KIF6: variants seen among roughly 807,000 people sequenced by gnomAD.
KIF6 encodes the protein kinesin family member 6.
In KIF6, 106 loss-of-function variants were observed where a neutral mutation model predicts 112.7. The ratio of observed to expected loss-of-function variants is 0.94; its 90% CI spans 0.80 to 1.11. KIF6 has a LOEUF of 1.11. Among genes scored for constraint, KIF6 ranks in the 50% least tolerant of loss-of-function variants. The pLI is 0.00. For synonymous variants in KIF6, 339 were observed against 339.9 expected (o/e 1.00, Z 0.03); for missense variants, 929 against 964.0 (o/e 0.96, Z 0.48).
At chr6:39,385,814 T>G in intron 15 of KIF6, 142 bp from the exon 16 acceptor site, 1 of 655,138 alleles carries the variant, frequency 1.5e-6, no homozygotes, top group Non-Finnish European at 2.7e-6. Context: ...TTCCAAGAAA[T>G]GACCTTCCAT....
rs146502461 is a variant in KIF6, at chr6:39,604,487, T to C, written c.640-8227A>G. Among the ~76,000 whole-genome samples the C allele has an allele frequency of 1.2e-4, 19 of 152,262 alleles. No homozygotes were observed. The East Asian group carries it at 3.5e-3, about 28-fold the overall frequency. On this transcript the variant is annotated intron_variant, in intron 6 of 22. Transcript: ENST00000287152. ...GCAACAAAATATTCCTGAGTGGATA[T>C]TCCTCTACTGGAATTAATGATCCTA... is the stretch of plus-strand genomic sequence containing the variant.
intron 14 of KIF6, among the ~76,000 whole-genome samples, chr6:39,428,245 A>G (rs918696655): frequency 2.0e-5 from 3 of 152,190 alleles, no homozygotes; most frequent in Admixed American, 6.5e-5. Context: ...TTGTTTTAAT[A>G]TGAAGCCAGT....
intron 16 of KIF6, among the ~76,000 whole-genome samples, chr6:39,368,104 C>A (rs898387452): frequency 6.6e-6 from 1 of 152,208 alleles, no homozygotes; most frequent in Non-Finnish European, 1.5e-5. Flanking sequence ...ACGTCCCCTA[C>A]ATGCCTGCCT....
intron 13 of KIF6, among the ~76,000 whole-genome samples, chr6:39,455,027 G>T (rs1429304346): frequency 2.0e-5 from 3 of 150,086 alleles, no homozygotes; most frequent in African/African-American, 7.3e-5. Flanking sequence ...CACAGCTCAA[G>T]GAGGCCTGCC....
At chr6:39,643,827 C>A (rs1785027284) in intron 3 of KIF6, among the ~76,000 whole-genome samples, 2 of 152,178 alleles carry the variant, frequency 1.3e-5, no homozygotes, top group South Asian at 4.1e-4. Flanking sequence ...AGCTGCACTT[C>A]ATCAAAATTA....
intron 3 of KIF6, among the ~76,000 whole-genome samples, chr6:39,689,624 G>T (rs752880547): frequency 6.6e-6 from 1 of 151,782 alleles, no homozygotes; most frequent in Non-Finnish European, 1.5e-5. Context: ...AGAGGGCCAG[G>T]GTCTCACTCT....
At chr6:39,339,854 G>C (rs1411155644) in intron 22 of KIF6, among the ~76,000 whole-genome samples, 1 of 152,170 alleles carries the variant, frequency 6.6e-6, no homozygotes, top group Non-Finnish European at 1.5e-5. Context: ...GAGCTGGCGA[G>C]GCTTATGTTA....
At chr6:39,587,921 T>C (rs986366429) in intron 7 of KIF6, among the ~76,000 whole-genome samples, 40 of 152,242 alleles carry the variant, frequency 2.6e-4, no homozygotes, top group African/African-American at 9.6e-4. Context: ...GCAACCTTCA[T>C]TGTACCAAGA....
At chr6:39,543,652 A>T (rs1453192716) in intron 12 of KIF6, among the ~76,000 whole-genome samples, 1 of 152,256 alleles carries the variant, frequency 6.6e-6, no homozygotes, top group Non-Finnish European at 1.5e-5. Flanking sequence ...TTTATAAAGA[A>T]CTGACCGAAA....
chr6:39,703,739 T>C (rs1789019461), intron 3 of KIF6, among the ~76,000 whole-genome samples: 1 of 152,198 alleles, frequency 6.6e-6, no homozygotes, highest in Non-Finnish European at 1.5e-5. Flanking sequence ...AAGCACGAGA[T>C]AAATTTACTG....
chr6:39,557,128 A>T (rs1040500465), intron 10 of KIF6, among the ~76,000 whole-genome samples: 2 of 152,106 alleles, frequency 1.3e-5, no homozygotes, highest in African/African-American at 4.8e-5. Flanking sequence ...AAAACTTGTA[A>T]AAGTTTTAAA....
chr6:39,591,025 C>G (rs1305321245), intron 7 of KIF6, among the ~76,000 whole-genome samples: 1 of 152,204 alleles, frequency 6.6e-6, no homozygotes, highest in Non-Finnish European at 1.5e-5. Context: ...TTATATACTT[C>G]CTTATTCATA....
At chr6:39,673,647 T>A (rs1243466644) in intron 3 of KIF6, among the ~76,000 whole-genome samples, 1 of 152,194 alleles carries the variant, frequency 6.6e-6, no homozygotes, top group Non-Finnish European at 1.5e-5. Context: ...TATCCCATTA[T>A]CAGCTGAGAA....
At chr6:39,627,606 A>G (rs964464012) in intron 5 of KIF6, among the ~76,000 whole-genome samples, 2 of 152,204 alleles carry the variant, frequency 1.3e-5, no homozygotes, top group Non-Finnish European at 2.9e-5. Context: ...AGTAGGTGTT[A>G]GAAATGTGGT....
In KIF6 at chr6:39,596,133, C is replaced by A. The variant is rs537999500; in HGVS notation, c.767G>T (p.Arg256Leu). 6.2e-7 allele frequency: 1 copy of A among 1,614,012 alleles called. No individual in the cohort carries two copies. The highest frequency in any genetic ancestry group is 8.5e-7 in the Non-Finnish European group (1 of 1,179,972). Residue 256 changes from arginine (R) to leucine (L), a missense_variant, in exon 7 of 23, where the codon CGA (arginine) becomes CTA (leucine). Arg to Leu is a moderately radical substitution (Grantham distance 102, BLOSUM62 -2). Coordinates refer to ENST00000287152, the MANE Select transcript of KIF6 (RefSeq NM_145027.6). ...GCCCCCTACTCCAGTCTTTGCAACT[C>A]GCTCTGAACCAGCCAGGTCAACCAG... ...LHLVDLAGSE[R>L]VAKTGVGGHL...
chr6:39,370,559 C>T (rs1581697342), intron 16 of KIF6, among the ~76,000 whole-genome samples: 1 of 152,202 alleles, frequency 6.6e-6, no homozygotes, highest in African/African-American at 2.4e-5. Flanking sequence ...ACAGACCACA[C>T]AGTAGAACTG....
At chr6:39,591,582 G>A (rs1781954341) in intron 7 of KIF6, among the ~76,000 whole-genome samples, 1 of 152,150 alleles carries the variant, frequency 6.6e-6, no homozygotes, top group Admixed American at 6.6e-5. Flanking sequence ...ACACAGTCCT[G>A]GGCCGTTTCT....
chr6:39,385,412 G>T (rs997867989), intron 16 of KIF6, among the ~76,000 whole-genome samples: 1 of 152,128 alleles, frequency 6.6e-6, no homozygotes, highest in East Asian at 1.9e-4. Context: ...GGTGCTGGGT[G>T]CTGATGGCCA....
At chr6:39,480,008 T>A (rs1016663663) in intron 13 of KIF6, among the ~76,000 whole-genome samples, 2 of 152,212 alleles carry the variant, frequency 1.3e-5, no homozygotes, top group Non-Finnish European at 2.9e-5. Context: ...ACCTATAGTT[T>A]CACTTCCTCT....
Sources: allele counts gnomAD v4.1 joint callset (sites outside exome capture counted in the v4.1 genomes callset), GRCh38; gene constraint gnomAD v4.1.1; transcripts MANE v1.5; gene names NCBI Gene and HGNC (gene_info 2026-07-23, HGNC 2026-07-21).